Variants in LRP1B observed in about 807,000 individuals in gnomAD.
LRP1B encodes LDL receptor related protein 1B, also known as low-density lipoprotein receptor-related protein 1B.
In LRP1B, 217 loss-of-function variants were observed where a neutral mutation model predicts 556.6. The observed-to-expected ratio is 0.39, with a 90% CI of 0.35 to 0.44. The LOEUF is 0.44. LRP1B is among the 20% of genes least tolerant of loss of function. The probability of loss-of-function intolerance (pLI) is 1.00; values close to 1 mark genes in which losing one functional copy is unlikely to be tolerated. For synonymous variants in LRP1B, 2,047 were observed against 1,865.8 expected, an observed-to-expected ratio of 1.10 and a Z score of -2.50; for missense variants, 5,053 against 5,620.8, an observed-to-expected ratio of 0.90 and a Z score of 3.23.
chr2:141,665,617 T>TAC (rs1317758184), intron 2 of LRP1B, among the ~76,000 whole-genome samples: 1 of 152,168 alleles, frequency 6.6e-6, no homozygotes, highest in Admixed American at 6.5e-5. Flanking sequence ...GTTTTAAAGA[T>TAC]ACATGCATTC....
At chr2:141,782,028 C>CA (rs1348567309) in intron 2 of LRP1B, among the ~76,000 whole-genome samples, 15 of 152,086 alleles carry the variant, frequency 9.9e-5, no homozygotes, top group Non-Finnish European at 1.8e-4. Context: ...TTTTACCATA[C>CA]AAAAAACACC....
At chr2:141,136,181 A>T (rs1267768263) in intron 7 of LRP1B, among the ~76,000 whole-genome samples, 4 of 151,934 alleles carry the variant, frequency 2.6e-5, no homozygotes, top group Non-Finnish European at 2.9e-5. Context: ...ATGAATAGAC[A>T]TTCTGTGCAC....
At chr2:141,274,151 G>A (rs1186778437) in intron 3 of LRP1B, among the ~76,000 whole-genome samples, 1 of 152,108 alleles carries the variant, frequency 6.6e-6, no homozygotes, top group Admixed American at 6.5e-5. Context: ...ACCCATGTTG[G>A]CAGTTCTTCA....
chr2:140,427,222 C>T (rs865954222), intron 66 of LRP1B, among the ~76,000 whole-genome samples: 9 of 152,086 alleles, frequency 5.9e-5, no homozygotes, highest in Admixed American at 2.0e-4. Context: ...GTCTGATCTC[C>T]GCGAGGACGC....
intron 7 of LRP1B, among the ~76,000 whole-genome samples, chr2:141,182,365 G>T (rs1240989701): frequency 2.0e-5 from 3 of 151,850 alleles, no homozygotes; most frequent in Admixed American, 6.6e-5. Context: ...TCATTATGTT[G>T]CATCAATACC....
intron 1 of LRP1B, among the ~76,000 whole-genome samples, chr2:141,918,518 G>A (rs1700098348): frequency 6.6e-6 from 1 of 151,994 alleles, no homozygotes; most frequent in Non-Finnish European, 1.5e-5. Flanking sequence ...ACCTTCAAAT[G>A]TTTGGGAGCT....
chr2:141,916,231 T>C (rs1023762954), intron 1 of LRP1B, among the ~76,000 whole-genome samples: 2 of 152,110 alleles, frequency 1.3e-5, no homozygotes, highest in African/African-American at 4.8e-5. Context: ...CACCACCGGA[T>C]ACTACCCAGC....
intron 7 of LRP1B, among the ~76,000 whole-genome samples, chr2:141,125,508 A>G (rs926601690): frequency 1.3e-5 from 2 of 152,132 alleles, no homozygotes; most frequent in African/African-American, 4.8e-5. Flanking sequence ...CTCTTAGTTT[A>G]TTTCTAATTT....
intron 7 of LRP1B, among the ~76,000 whole-genome samples, chr2:141,146,169 C>T (rs1040713475): frequency 1.3e-5 from 2 of 151,670 alleles, no homozygotes; most frequent in Admixed American, 1.3e-4. Context: ...AAGTGATCTG[C>T]TCATCTCAGC....
chr2:141,126,195 CTAATTTTTTT>C, intron 7 of LRP1B, among the ~76,000 whole-genome samples: 1 of 151,966 alleles, frequency 6.6e-6, no homozygotes. Flanking sequence ...CCACGCCTGA[CTAATTTTTTT>C]GTATTTTTAG....
chr2:140,310,424 A>AAG (rs1553444546), intron 83 of LRP1B, among the ~76,000 whole-genome samples: 65 of 151,566 alleles, frequency 4.3e-4, no homozygotes, highest in African/African-American at 1.6e-3. Context: ...CAAAAAAAAA[A>AAG]AAAAGGCCTG....
At chr2:141,142,384 T>G (rs1701674316) in intron 7 of LRP1B, among the ~76,000 whole-genome samples, 1 of 152,178 alleles carries the variant, frequency 6.6e-6, no homozygotes, top group Non-Finnish European at 1.5e-5. Flanking sequence ...AGACAAAAAC[T>G]TCCTAGTTGC....
At chr2:140,658,054 A>G (rs11899127) in intron 41 of LRP1B, among the ~76,000 whole-genome samples, 1 of 152,138 alleles carries the variant, frequency 6.6e-6, no homozygotes, top group East Asian at 1.9e-4. Flanking sequence ...CACATTCATA[A>G]GTTAATATCT....
rs79810070 is a variant in LRP1B at position 141,007,246 on chromosome 2, A to G, written c.2381-1789T>C. 2.0e-3 allele frequency among the ~76,000 whole-genome samples: 307 copies of G among 151,990 alleles called. 12 individuals carry two copies. In the East Asian group the frequency reaches 0.059, roughly 29 times the overall value. Reference sequence around the variant, plus strand: ...TGCTATACGGAGGATAATAAGAAGTAAGAAAAAAACTCTAAAATGCTCCTC... The same window carrying G: ...TGCTATACGGAGGATAATAAGAAGTGAGAAAAAAACTCTAAAATGCTCCTC... On this transcript the variant is annotated intron_variant, in intron 14 of 90. Coordinates refer to ENST00000389484, the MANE Select transcript of LRP1B (RefSeq NM_018557.3).
intron 12 of LRP1B, 56 bp from the exon 13 acceptor site, chr2:141,015,971 T>C: frequency 7.8e-7 from 1 of 1,276,032 alleles, no homozygotes; most frequent in Non-Finnish European, 1.1e-6. Context: ...CCAGCCACAG[T>C]ATAGACACTT....
chr2:141,083,263 G>A (rs964556202), intron 7 of LRP1B, among the ~76,000 whole-genome samples: 1 of 151,618 alleles, frequency 6.6e-6, no homozygotes, highest in Admixed American at 6.6e-5. Flanking sequence ...TAGTATTCTA[G>A]CAATTAAACA....
At chr2:141,974,095 T>G (rs1701818263) in intron 1 of LRP1B, among the ~76,000 whole-genome samples, 1 of 151,996 alleles carries the variant, frequency 6.6e-6, no homozygotes, top group African/African-American at 2.4e-5. Flanking sequence ...CAGTGTATGA[T>G]ACTGAAAAAG....
intron 1 of LRP1B, among the ~76,000 whole-genome samples, chr2:141,890,926 C>A (rs1699270938): frequency 6.6e-6 from 1 of 152,116 alleles, no homozygotes. Flanking sequence ...TCTCTGCAAG[C>A]AACCCCATAA....
chr2:141,065,120 T>A (rs1332739641), intron 7 of LRP1B, among the ~76,000 whole-genome samples: 1 of 151,910 alleles, frequency 6.6e-6, no homozygotes, highest in Non-Finnish European at 1.5e-5. Flanking sequence ...ACAAAATTTT[T>A]AATTTTTAAG....
Sources: allele counts gnomAD v4.1 joint callset (sites outside exome capture counted in the v4.1 genomes callset), GRCh38; gene constraint gnomAD v4.1.1; transcripts MANE v1.5; gene names NCBI Gene and HGNC (gene_info 2026-07-23, HGNC 2026-07-21).